The following FUT8 variants were observed in gnomAD, a reference collection of about 807,000 sequenced individuals.
The protein encoded by FUT8 is alpha-(1,6)-fucosyltransferase.
In FUT8, 29 loss-of-function variants were observed where a neutral mutation model predicts 71.3. The observed-to-expected ratio is 0.41, with a 90% CI of 0.30 to 0.55. FUT8 has a LOEUF of 0.55. Among genes scored for constraint, FUT8 ranks in the 20% least tolerant of loss-of-function variants. FUT8 has a pLI of 0.34. For missense variants in FUT8, 544 were observed against 702.1 expected (o/e 0.77, Z 2.55); for synonymous variants, 254 against 239.3 (o/e 1.06, Z -0.57).
Position 65,509,433 on chromosome 14 carries a change from GT to G in FUT8, c.-227-51896del, listed in dbSNP as rs988277245. 4.0e-5 allele frequency among the ~76,000 whole-genome samples: 6 copies of G among 151,542 alleles called. No individual in the cohort carries two copies. In the East Asian group the frequency reaches 7.7e-4, roughly 20 times the overall value. ...TTTGTGGTTCCCTATAAATTTTAGGGTTTTTTTTATATCTCTGTTAAGAGTG... is the reference window on the plus strand; with the variant it reads ...TTTGTGGTTCCCTATAAATTTTAGGGTTTTTTTATATCTCTGTTAAGAGTG... On this transcript the variant is annotated intron_variant, in intron 2 of 10. Coordinates refer to ENST00000673929, the MANE Select transcript of FUT8 (RefSeq NM_001371533.1).
chr14:65,379,484 G>A, the FUT8 span, among the ~76,000 whole-genome samples: 1 of 151,948 alleles, frequency 6.6e-6, no homozygotes, highest in Admixed American at 6.6e-5. Context: ...GAGCCGAGAT[G>A]GCGCCACTGC....
chr14:65,726,013 T>TGC (rs755497706), intron 9 of FUT8, among the ~76,000 whole-genome samples: 20 of 151,660 alleles, frequency 1.3e-4, no homozygotes, highest in Admixed American at 7.2e-4. Flanking sequence ...CGCGCATGCG[T>TGC]GCACACACAC....
At position 65,515,808 on chromosome 14, in the gene FUT8, T is replaced by C. The variant is rs1479543479; in HGVS notation, c.-227-45529T>C. On this transcript the variant is annotated intron_variant, in intron 2 of 10. Coordinates refer to ENST00000673929, the MANE Select transcript of FUT8 (RefSeq NM_001371533.1). ...TGAGTATGTATTTTTAAGGATGTTA[T>C]AGACCTATGAATTTCAATTATATTT... Among the ~76,000 whole-genome samples, 3 of 152,198 alleles carry C rather than the reference T, an allele frequency of 2.0e-5. No homozygotes were observed. In the East Asian group the frequency reaches 5.8e-4, roughly 29 times the overall value.
At chr14:65,562,364 C>G (rs1176704723) in intron 3 of FUT8, among the ~76,000 whole-genome samples, 1 of 151,936 alleles carries the variant, frequency 6.6e-6, no homozygotes, top group Non-Finnish European at 1.5e-5. Context: ...TATTAAAATG[C>G]AGAAACAAAA....
At chr14:65,650,187 T>A (rs1459951579) in intron 6 of FUT8, among the ~76,000 whole-genome samples, 1 of 150,372 alleles carries the variant, frequency 6.7e-6, no homozygotes, top group Non-Finnish European at 1.5e-5. Context: ...TAATCCCAGC[T>A]ACTCGGGAGG....
chr14:65,428,883 A>G (rs1462636543), intron 1 of FUT8, among the ~76,000 whole-genome samples: 2 of 152,236 alleles, frequency 1.3e-5, no homozygotes, highest in African/African-American at 4.8e-5. Context: ...GTTTGTGCCA[A>G]GCTGCACTCA....
intron 2 of FUT8, among the ~76,000 whole-genome samples, chr14:65,485,170 C>G (rs564757248): frequency 6.7e-6 from 1 of 150,104 alleles, no homozygotes; most frequent in Non-Finnish European, 1.5e-5. Flanking sequence ...TACTTCGTCT[C>G]TATTAAAAAA....
At chr14:65,382,285 G>T in the FUT8 span, among the ~76,000 whole-genome samples, 7 of 152,234 alleles carry the variant, frequency 4.6e-5, no homozygotes. Context: ...ATTATCTAGG[G>T]AGCTCTTTGA....
intron 6 of FUT8, chr14:65,646,009 C>T (rs919946569): frequency 3.3e-5 from 5 of 152,132 alleles, no homozygotes; most frequent in Non-Finnish European, 4.4e-5. Flanking sequence ...ACACTAATAC[C>T]GACGCTGGAA....
chr14:65,563,320 A>G (rs1053392698), intron 3 of FUT8, among the ~76,000 whole-genome samples: 6 of 152,032 alleles, frequency 3.9e-5, no homozygotes, highest in African/African-American at 1.4e-4. Flanking sequence ...GGATCATCTC[A>G]CTGAATTTCA....
intron 3 of FUT8, among the ~76,000 whole-genome samples, chr14:65,613,223 A>G (rs1488314921): frequency 6.6e-6 from 1 of 152,198 alleles, no homozygotes; most frequent in Non-Finnish European, 1.5e-5. Context: ...AGAAAGAGAT[A>G]AAAAGGAGAA....
the FUT8 span, among the ~76,000 whole-genome samples, chr14:65,380,063 C>A: frequency 0.027 from 4,078 of 152,294 alleles, 176 homozygotes; most frequent in African/African-American, 0.093. Flanking sequence ...GGAGGAGACA[C>A]ATTGTAGTAG....
At chr14:65,511,936 G>T (rs954938820) in intron 2 of FUT8, among the ~76,000 whole-genome samples, 2 of 152,032 alleles carry the variant, frequency 1.3e-5, no homozygotes, top group Non-Finnish European at 2.9e-5. Context: ...CTGCCATTTT[G>T]TAATTTGTTT....
intron 9 of FUT8, among the ~76,000 whole-genome samples, chr14:65,730,861 A>C (rs1895946301): frequency 8.5e-5 from 13 of 152,222 alleles, no homozygotes; most frequent in Admixed American, 8.5e-4. Flanking sequence ...GATTGTGGAG[A>C]TTAGGGATGG....
the FUT8 span, among the ~76,000 whole-genome samples, chr14:65,400,329 C>T: frequency 1.3e-5 from 2 of 152,234 alleles, no homozygotes; most frequent in South Asian, 4.1e-4. Context: ...GCCATCCATT[C>T]CATTATTCTT....
At chr14:65,654,139 A>T (rs901155650) in intron 6 of FUT8, among the ~76,000 whole-genome samples, 3 of 152,208 alleles carry the variant, frequency 2.0e-5, no homozygotes, top group Admixed American at 6.5e-5. Flanking sequence ...CTTAATGTTT[A>T]TGAAGGTGAT....
intron 3 of FUT8, among the ~76,000 whole-genome samples, chr14:65,571,781 A>G (rs886756359): frequency 1.3e-5 from 2 of 152,110 alleles, no homozygotes; most frequent in Non-Finnish European, 2.9e-5. Context: ...TTTACATGGA[A>G]CAATGCCAAG....
At chr14:65,556,434 GA>G (rs1594766383) in intron 2 of FUT8, among the ~76,000 whole-genome samples, 1 of 152,304 alleles carries the variant, frequency 6.6e-6, no homozygotes, top group East Asian at 1.9e-4. Context: ...GCTGTTGTCT[GA>G]AGGCTGCCCT....
intron 5 of FUT8, among the ~76,000 whole-genome samples, chr14:65,625,283 A>G (rs1411360925): frequency 1.3e-5 from 2 of 152,146 alleles, no homozygotes; most frequent in East Asian, 1.9e-4. Context: ...GCCGAGCCCT[A>G]TAGCCCTATT....
Sources: allele counts gnomAD v4.1 joint callset (sites outside exome capture counted in the v4.1 genomes callset), GRCh38; gene constraint gnomAD v4.1.1; transcripts MANE v1.5; gene names NCBI Gene and HGNC (gene_info 2026-07-23, HGNC 2026-07-21).